The following GRAMD1C variants were observed in gnomAD, a reference collection of about 807,000 sequenced individuals.
GRAMD1C encodes the protein GRAM domain containing 1C, also known as protein Aster-C.
Under a neutral mutation model 97.8 loss-of-function variants are expected in GRAMD1C, and 89 were observed. The observed-to-expected ratio is 0.91, with a 90% CI of 0.77 to 1.09. The LOEUF (loss-of-function observed/expected upper bound fraction) is 1.09. Ranked by LOEUF, GRAMD1C falls within the 50% of genes least tolerant of loss-of-function variation. GRAMD1C has a pLI of 0.00. For synonymous variants in GRAMD1C, 256 were observed against 267.0 expected, an observed-to-expected ratio of 0.96 and a Z score of 0.40; for missense variants, 740 against 766.4, an observed-to-expected ratio of 0.97 and a Z score of 0.41.
intron 2 of GRAMD1C, among the ~76,000 whole-genome samples, chr3:113,849,690 T>C (rs1408231817): frequency 9.8e-5 from 15 of 152,334 alleles, no homozygotes; most frequent in South Asian, 4.1e-4. Flanking sequence ...CCATGTATAC[T>C]TCTTTCTACA....
chr3:113,838,892 G>C lies in GRAMD1C; in HGVS notation c.-18G>C. On this transcript the variant is annotated 5_prime_UTR_variant, in exon 1 of 18. Coordinates refer to ENST00000358160, the MANE Select transcript of GRAMD1C (RefSeq NM_017577.5). ...GCGGTGCGCGCGGGGCGGTGCCGCG[G>C]CGGCGGAGGGAGCCGCGATGGAGGG... 1.6e-6 allele frequency: 2 copies of C among 1,231,830 alleles called. No homozygotes were observed. The highest frequency in any genetic ancestry group is 6.3e-5 in the East Asian group (2 of 31,498). 76.3% of individuals were successfully genotyped at this position (1,231,830 alleles called of 1,614,324 possible).
Position 113,876,232 on chromosome 3 carries a change from C to T in GRAMD1C, c.431C>T (p.Ala144Val), listed in dbSNP as rs746087705. 1.3e-6 allele frequency: 2 copies of T among 1,590,900 alleles called. No homozygotes were observed. Among genetic ancestry groups the T allele is most frequent in the Admixed American group, 1.7e-5 (1 of 59,774 alleles). ...AAAACTGCTCGACTCATCCCAAACG[C>T]TATCCAGATAGTTACAGAAAGTGAA... ...KEKTARLIPN[A>V]IQIVTESEKF... The change falls in exon 5 of 18, where the codon GCT (alanine) becomes GTT (valine). Residue 144 changes from alanine to valine, a missense_variant. Ala to Val is a moderately conservative substitution (Grantham distance 64). Coordinates refer to ENST00000358160, the MANE Select transcript of GRAMD1C (RefSeq NM_017577.5).
At chr3:113,847,433 G>A (rs1933658971) in intron 2 of GRAMD1C, among the ~76,000 whole-genome samples, 1 of 152,226 alleles carries the variant, frequency 6.6e-6, no homozygotes, top group Non-Finnish European at 1.5e-5. Flanking sequence ...CATGTGCAAT[G>A]AAACCTGGAC....
In GRAMD1C at chr3:113,877,483, GTCTTT is replaced by G. The variant is rs1935091941; in HGVS notation, c.459+1228_459+1232del. The stretch of plus-strand genomic sequence containing the variant: ...TTTAATTTCCTGGAAGAGCTCTTTC[GTCTTT>G]TCTTGACTTTTATGTCCTTGATACT... On this transcript the variant is annotated intron_variant, in intron 5 of 17. Coordinates refer to ENST00000358160, the MANE Select transcript of GRAMD1C (RefSeq NM_017577.5). Among the ~76,000 whole-genome samples, 3 of 152,146 alleles carry G rather than the reference GTCTTT, an allele frequency of 2.0e-5. No individual in the cohort carries two copies. In the South Asian group the frequency reaches 6.2e-4, roughly 32 times the overall value.
At chr3:113,844,843 G>A (rs541567185) in intron 2 of GRAMD1C, 194 bp downstream of exon 2, 72 of 462,988 alleles carry the variant, frequency 1.6e-4, no homozygotes, top group Middle Eastern at 5.5e-4. Context: ...TGTCTGGTTC[G>A]ATGAAATGGA....
intron 17 of GRAMD1C, 62 bp from the exon 18 acceptor site, chr3:113,945,335 AC>A: frequency 9.5e-7 from 1 of 1,054,588 alleles, no homozygotes; most frequent in Admixed American, 2.1e-5. Flanking sequence ...GGCATAAAAA[AC>A]AGAAATTTTC....
Position 113,909,029 on chromosome 3 carries a change from G to T in GRAMD1C, c.861G>T (p.Lys287Asn), listed in dbSNP as rs1936468862. ...KKSLLPTLEK[K>N]LTRVPSKSLD... Reference sequence around the variant, plus strand: ...GTCTCTTACCAACTTTGGAAAAGAAGTTAACTAGAGTGCCATCAAAGTCAC... The same window carrying T: ...GTCTCTTACCAACTTTGGAAAAGAATTTAACTAGAGTGCCATCAAAGTCAC... The change falls in exon 9 of 18, where the codon AAG becomes AAT. Residue 287 changes from lysine to asparagine, a missense_variant. Transcript: ENST00000358160. 1 of 1,567,748 alleles carries T rather than the reference G, an allele frequency of 6.4e-7. No individual in the cohort carries two copies. Among genetic ancestry groups the T allele is most frequent in the East Asian group, 2.3e-5 (1 of 42,872 alleles).
intron 6 of GRAMD1C, among the ~76,000 whole-genome samples, chr3:113,887,267 T>G (rs1351954379): frequency 2.0e-5 from 3 of 151,820 alleles, no homozygotes; most frequent in African/African-American, 7.2e-5. Flanking sequence ...ATTTTTGGTA[T>G]TTTTAGTAGA....
chr3:113,867,975 T>A (rs984049020), intron 2 of GRAMD1C, among the ~76,000 whole-genome samples: 6 of 152,210 alleles, frequency 3.9e-5, no homozygotes, highest in African/African-American at 9.6e-5. Flanking sequence ...TTTTCTTAAG[T>A]CTTTGTCCTT....
intron 2 of GRAMD1C, among the ~76,000 whole-genome samples, chr3:113,851,063 A>C (rs1023990950): frequency 6.6e-6 from 1 of 152,122 alleles, no homozygotes; most frequent in Non-Finnish European, 1.5e-5. Flanking sequence ...CGGCCTCCCA[A>C]AGTGCTGGGA....
chr3:113,850,474 G>C, intron 2 of GRAMD1C: 2 of 1,484,908 alleles, frequency 1.3e-6, no homozygotes, highest in Non-Finnish European at 1.9e-6. Context: ...CACAGTCTCC[G>C]GGGCAGATGA....
chr3:113,876,001 C>T, intron 4 of GRAMD1C, 164 bp from the exon 5 acceptor site: 1 of 517,234 alleles, frequency 1.9e-6, no homozygotes, highest in South Asian at 3.4e-5. Context: ...CCCTGTTTTT[C>T]TCAGAGAATA....
intron 9 of GRAMD1C, among the ~76,000 whole-genome samples, chr3:113,914,003 G>T (rs1382949805): frequency 6.6e-6 from 1 of 152,110 alleles, no homozygotes; most frequent in Non-Finnish European, 1.5e-5. Context: ...TAGTAAGCAG[G>T]AGAAAGATAA....
intron 10 of GRAMD1C, among the ~76,000 whole-genome samples, chr3:113,924,546 G>A (rs553631757): frequency 2.0e-5 from 3 of 152,244 alleles, no homozygotes; most frequent in South Asian, 2.1e-4. Context: ...ATCAGGAGCA[G>A]GTTGTTTAAT....
chr3:113,934,835 G>GT (rs1937546865), intron 13 of GRAMD1C, among the ~76,000 whole-genome samples: 1 of 151,976 alleles, frequency 6.6e-6, no homozygotes, highest in Non-Finnish European at 1.5e-5. Context: ...CCTCCGCCTC[G>GT]TGAGTTCAAG....
chr3:113,913,405 A>T (rs924161178), intron 9 of GRAMD1C, among the ~76,000 whole-genome samples: 6 of 143,176 alleles, frequency 4.2e-5, no homozygotes, highest in African/African-American at 1.3e-4. Context: ...CACGCTTTTA[A>T]TCTCAAGAGT....
intron 8 of GRAMD1C, among the ~76,000 whole-genome samples, chr3:113,907,037 C>T (rs771831130): frequency 2.6e-5 from 4 of 152,142 alleles, no homozygotes; most frequent in Admixed American, 6.5e-5. Flanking sequence ...CACTCTATGA[C>T]GTTGGCACAA....
intron 6 of GRAMD1C, chr3:113,885,654 G>A: frequency 6.6e-7 from 1 of 1,512,464 alleles, no homozygotes; most frequent in Non-Finnish European, 9.2e-7. Context: ...CTTCCTGGAA[G>A]TGGTGAGCCA....
intron 2 of GRAMD1C, 127 bp downstream of exon 2, chr3:113,844,776 C>G: frequency 1.6e-6 from 1 of 633,312 alleles, no homozygotes; most frequent in Non-Finnish European, 2.7e-6. Context: ...CAATTTTAGT[C>G]CAGAGTCCCA....
Sources: allele counts gnomAD v4.1 joint callset (sites outside exome capture counted in the v4.1 genomes callset), GRCh38; gene constraint gnomAD v4.1.1; transcripts MANE v1.5; gene names NCBI Gene and HGNC (gene_info 2026-07-23, HGNC 2026-07-21).